The following TANC1 variants were observed in gnomAD, a reference collection of about 807,000 sequenced individuals.
TANC1 encodes the protein tetratricopeptide repeat, ankyrin repeat and coiled-coil containing 1, also known as protein TANC1.
TANC1 carries 77 observed loss-of-function variants against 149.7 expected under a neutral mutation model. That is an observed-to-expected ratio of 0.51 (90% CI 0.43 to 0.62). The LOEUF (loss-of-function observed/expected upper bound fraction) is 0.62. Ranked by LOEUF, TANC1 falls within the 20% of genes least tolerant of loss-of-function variation. The probability of loss-of-function intolerance (pLI) is 0.00; values close to 1 mark genes in which losing one functional copy is unlikely to be tolerated. For missense variants in TANC1, 1,985 were observed against 2,321.8 expected, an observed-to-expected ratio of 0.85 and a Z score of 2.98; for synonymous variants, 854 against 925.0, an observed-to-expected ratio of 0.92 and a Z score of 1.39.
chr2:159,074,493 A>T (rs949938032), intron 3 of TANC1, among the ~76,000 whole-genome samples: 1 of 152,136 alleles, frequency 6.6e-6, no homozygotes, highest in Non-Finnish European at 1.5e-5. Context: ...ACTCCAGGTT[A>T]AGGATGGAAG....
At chr2:159,062,428 A>G (rs1340443701) in intron 2 of TANC1, among the ~76,000 whole-genome samples, 3 of 152,158 alleles carry the variant, frequency 2.0e-5, no homozygotes, top group East Asian at 1.9e-4. Flanking sequence ...CATCATTTCT[A>G]TTTGGTTCAA....
intron 2 of TANC1, among the ~76,000 whole-genome samples, chr2:159,033,110 G>A (rs912006028): frequency 6.6e-6 from 1 of 152,158 alleles, no homozygotes; most frequent in Non-Finnish European, 1.5e-5. Context: ...GGGATGTCAT[G>A]GAGCCTGCCA....
intron 2 of TANC1, among the ~76,000 whole-genome samples, chr2:159,014,498 C>G (rs1481708503): frequency 6.6e-6 from 1 of 152,116 alleles, no homozygotes; most frequent in Non-Finnish European, 1.5e-5. Flanking sequence ...ATCATTCCAC[C>G]ACCAGCCCCT....
intron 13 of TANC1, 65 bp from the exon 14 acceptor site, chr2:159,178,491 A>G: frequency 2.7e-6 from 4 of 1,503,720 alleles, no homozygotes; most frequent in Middle Eastern, 3.6e-4. Context: ...CTGGTTTAAA[A>G]TGCTGTTAAA....
At chr2:159,155,377 AT>A (rs961565351) in intron 7 of TANC1, among the ~76,000 whole-genome samples, 1 of 152,188 alleles carries the variant, frequency 6.6e-6, no homozygotes, top group African/African-American at 2.4e-5. Flanking sequence ...CACTCTCTCC[AT>A]TCGTCTTTTT....
At position 159,219,353 on chromosome 2, in the gene TANC1, T is replaced by G. The variant is rs1281978625; in HGVS notation, c.3494T>G (p.Leu1165Arg). Residue 1165 changes from leucine (L) to arginine (R), a missense_variant, in exon 21 of 27, where the codon CTT (leucine) becomes CGT (arginine). Transcript: ENST00000263635. ...CACTTGAGCACCGTGGAATTCCTCCTTTCAAAAGGTAGCAGCGTGATGCCC... is the reference window on the plus strand; with the variant it reads ...CACTTGAGCACCGTGGAATTCCTCCGTTCAAAAGGTAGCAGCGTGATGCCC... ...EGHLSTVEFLLSKGAALSSLD... is the reference protein window; with the variant it reads ...EGHLSTVEFLRSKGAALSSLD... 1 of 1,610,016 alleles carries G rather than the reference T, an allele frequency of 6.2e-7. No individual in the cohort carries two copies. Among genetic ancestry groups the G allele is most frequent in the Non-Finnish European group, 8.5e-7 (1 of 1,177,642 alleles).
chr2:159,193,803 G>T (rs184127268), intron 16 of TANC1, among the ~76,000 whole-genome samples: 114 of 152,174 alleles, frequency 7.5e-4, no homozygotes, highest in African/African-American at 2.6e-3. Flanking sequence ...TTACAGGCGT[G>T]AGCCACCGCA....
intron 7 of TANC1, among the ~76,000 whole-genome samples, chr2:159,155,807 A>T (rs2053368051): frequency 6.6e-6 from 1 of 152,224 alleles, no homozygotes; most frequent in Admixed American, 6.5e-5. Flanking sequence ...CTTGCAGTAA[A>T]ATATTAGACA....
chr2:159,083,300 T>G (rs1213609764), intron 3 of TANC1, among the ~76,000 whole-genome samples: 2 of 152,122 alleles, frequency 1.3e-5, no homozygotes, highest in East Asian at 1.9e-4. Context: ...TTAGCCATGT[T>G]TGGGAGTCAC....
intron 23 of TANC1, 112 bp from the exon 24 acceptor site, chr2:159,225,576 C>T: frequency 1.3e-6 from 1 of 785,370 alleles, no homozygotes; most frequent in Non-Finnish European, 2.2e-6. Flanking sequence ...GTGCTGTGGT[C>T]CTTGCAGCTG....
Position 159,214,987 on chromosome 2 carries a change from A to G in TANC1, c.3245-2510A>G, listed in dbSNP as rs187885440. Among the ~76,000 whole-genome samples, 52 of 152,300 alleles carry G rather than the reference A, an allele frequency of 3.4e-4. No individual in the cohort carries two copies. In the East Asian group the frequency reaches 0.01, roughly 29 times the overall value. Reference sequence around the variant, plus strand: ...CTGGCCCTGAGCTCCCTGGGCTGCCATGTAAACTCTTATGAGGGGCTGGTC... The same window carrying G: ...CTGGCCCTGAGCTCCCTGGGCTGCCGTGTAAACTCTTATGAGGGGCTGGTC... On this transcript the variant is annotated intron_variant, in intron 19 of 26. Coordinates refer to ENST00000263635, the MANE Select transcript of TANC1 (RefSeq NM_033394.3).
chr2:159,110,908 T>C (rs538319246), intron 4 of TANC1, among the ~76,000 whole-genome samples: 1 of 152,332 alleles, frequency 6.6e-6, no homozygotes, highest in South Asian at 2.1e-4. Flanking sequence ...CAGCCCTCCT[T>C]CGGGGCTTTG....
intron 4 of TANC1, among the ~76,000 whole-genome samples, chr2:159,135,138 A>G (rs1251540286): frequency 2.6e-5 from 4 of 152,236 alleles, no homozygotes; most frequent in African/African-American, 7.2e-5. Flanking sequence ...GCCCCTGGCA[A>G]CCATTTATAC....
intron 8 of TANC1, among the ~76,000 whole-genome samples, chr2:159,166,732 CT>C (rs1270629695): frequency 6.6e-6 from 1 of 152,214 alleles, no homozygotes; most frequent in African/African-American, 2.4e-5. Context: ...TGGGGAGCAC[CT>C]GGGCACATAG....
intron 2 of TANC1, among the ~76,000 whole-genome samples, chr2:159,040,114 G>A (rs181876392): frequency 2.0e-5 from 3 of 152,028 alleles, no homozygotes; most frequent in South Asian, 2.1e-4. Context: ...AATGGCCTTC[G>A]TTGTCTCTTT....
chr2:159,068,887 G>A (rs998848307), intron 3 of TANC1, among the ~76,000 whole-genome samples: 5 of 152,050 alleles, frequency 3.3e-5, no homozygotes, highest in South Asian at 2.1e-4. Context: ...TTATAGGCCC[G>A]TGCCACCACG....
At chr2:159,147,709 G>A (rs2052300353) in intron 5 of TANC1, 1 of 152,282 alleles carries the variant, frequency 6.6e-6, no homozygotes, top group Non-Finnish European at 1.5e-5. Flanking sequence ...GAATAGTCAA[G>A]CCTTGGTTTC....
rs192033135 is a variant in TANC1 at position 159,185,663 on chromosome 2, T to G, written c.2511-128T>G. 7.9e-4 allele frequency: 513 copies of G among 645,648 alleles called. 6 individuals are homozygous for G. The East Asian group carries it at 0.014, about 17-fold the overall frequency. 40.0% of individuals were successfully genotyped at this position (645,648 alleles called of 1,614,324 possible). On this transcript the variant is annotated intron_variant, in intron 14 of 26. Transcript: ENST00000263635. ...TATGACTCAGATGAGACCCTTAGCC[T>G]CCCGGAGTTTACATCTTTGTCACGG...
chr2:159,117,700 C>A, intron 4 of TANC1, among the ~76,000 whole-genome samples: 1 of 112,100 alleles, frequency 8.9e-6, no homozygotes, highest in African/African-American at 3.4e-5. Flanking sequence ...CCGGCCTATT[C>A]CTTTTTTTTT....
Sources: allele counts gnomAD v4.1 joint callset (sites outside exome capture counted in the v4.1 genomes callset), GRCh38; gene constraint gnomAD v4.1.1; transcripts MANE v1.5; gene names NCBI Gene and HGNC (gene_info 2026-07-23, HGNC 2026-07-21).